FHOD3: variants seen among roughly 807,000 people sequenced by gnomAD.
The protein encoded by FHOD3 is formin homology 2 domain containing 3.
A neutral mutation model predicts 173.0 loss-of-function variants in FHOD3; 90 were observed. That is an observed-to-expected ratio of 0.52 (90% CI 0.44 to 0.62). The LOEUF is 0.62. Ranked by LOEUF, FHOD3 falls within the 20% of genes least tolerant of loss-of-function variation. The probability of loss-of-function intolerance (pLI) is 0.00; values close to 1 mark genes in which losing one functional copy is unlikely to be tolerated. For synonymous variants in FHOD3, 828 were observed against 823.0 expected (o/e 1.01, Z -0.10); for missense variants, 1,945 against 2,034.7 (o/e 0.96, Z 0.85).
intron 17 of FHOD3, among the ~76,000 whole-genome samples, chr18:36,695,922 G>A (rs1159585687): frequency 1.3e-5 from 2 of 152,182 alleles, no homozygotes; most frequent in Non-Finnish European, 2.9e-5. Context: ...CCTGACATCT[G>A]GAGGAAGAAT....
intron 2 of FHOD3, among the ~76,000 whole-genome samples, chr18:36,356,859 A>G (rs2046385195): frequency 2.0e-5 from 3 of 152,012 alleles, no homozygotes; most frequent in Admixed American, 6.6e-5. Context: ...CTGGTCTTGA[A>G]CTGCTGAACT....
At chr18:36,693,831 T>A (rs2039104030) in intron 17 of FHOD3, among the ~76,000 whole-genome samples, 1 of 151,970 alleles carries the variant, frequency 6.6e-6, no homozygotes, top group South Asian at 2.1e-4. Flanking sequence ...TGAAGGAGAA[T>A]AAAATTAATT....
At chr18:36,750,105 C>A (rs557128018) in intron 24 of FHOD3, among the ~76,000 whole-genome samples, 1 of 152,014 alleles carries the variant, frequency 6.6e-6, no homozygotes, top group Non-Finnish European at 1.5e-5. Flanking sequence ...CTGGCTAACA[C>A]GGTGAAACCC....
rs113365351 is a variant in FHOD3 at position 36,430,373 on chromosome 18, C to T, written c.337+57629C>T. On this transcript the variant is annotated intron_variant, in intron 3 of 28. Transcript: ENST00000590592. ...CTGGGATTACAGGTGCCCACCACCA[C>T]GCCCAGCTAATTTTGTATTTTTAGT... Among the ~76,000 whole-genome samples the T allele has an allele frequency of 8.9e-3, 1,359 of 152,248 alleles. 7 individuals carry two copies. Among genetic ancestry groups the T allele is most frequent in the Admixed American group, 0.011 (174 of 15,296 alleles).
intron 5 of FHOD3, among the ~76,000 whole-genome samples, chr18:36,541,486 C>T (rs896619446): frequency 3.9e-5 from 6 of 152,050 alleles, no homozygotes; most frequent in Non-Finnish European, 7.4e-5. Context: ...GAGCACAATC[C>T]TGTCACTGCT....
chr18:36,682,713 G>T (rs1233476416), intron 15 of FHOD3, among the ~76,000 whole-genome samples: 1 of 152,138 alleles, frequency 6.6e-6, no homozygotes, highest in Non-Finnish European at 1.5e-5. Flanking sequence ...CTCCCAAGTA[G>T]CTGGAATTAC....
At chr18:36,699,535 T>C (rs1332111260) in intron 17 of FHOD3, among the ~76,000 whole-genome samples, 1 of 152,222 alleles carries the variant, frequency 6.6e-6, no homozygotes, top group Non-Finnish European at 1.5e-5. Flanking sequence ...TTCCAGACAA[T>C]GACTGAGACT....
intron 1 of FHOD3, among the ~76,000 whole-genome samples, chr18:36,338,489 G>T (rs919944411): frequency 6.6e-6 from 1 of 152,176 alleles, no homozygotes; most frequent in African/African-American, 2.4e-5. Context: ...ACCGAGTGTG[G>T]CAGTGTTCTG....
intron 5 of FHOD3, among the ~76,000 whole-genome samples, chr18:36,548,095 G>C (rs1029482160): frequency 1.3e-5 from 2 of 152,152 alleles, no homozygotes; most frequent in Non-Finnish European, 2.9e-5. Flanking sequence ...GGGAGGCTGA[G>C]GCAGGAGAAT....
At chr18:36,580,643 C>A (rs753559519) in intron 6 of FHOD3, among the ~76,000 whole-genome samples, 1 of 152,216 alleles carries the variant, frequency 6.6e-6, no homozygotes, top group African/African-American at 2.4e-5. Flanking sequence ...ATTTACAAAA[C>A]CAATAGAGTG....
chr18:36,323,076 A>T (rs551638371), intron 1 of FHOD3, among the ~76,000 whole-genome samples: 1 of 152,158 alleles, frequency 6.6e-6, no homozygotes, highest in East Asian at 1.9e-4. Flanking sequence ...TAAGGTGGGG[A>T]TGATCATGCC....
intron 3 of FHOD3, among the ~76,000 whole-genome samples, chr18:36,442,192 G>A (rs752481017): frequency 6.6e-6 from 1 of 152,136 alleles, no homozygotes. Context: ...TCTGTTTCAT[G>A]TAATGTGTTT....
At chr18:36,668,131 A>G (rs964226584) in intron 14 of FHOD3, among the ~76,000 whole-genome samples, 2 of 152,182 alleles carry the variant, frequency 1.3e-5, no homozygotes, top group Admixed American at 6.5e-5. Flanking sequence ...CACCATGAGG[A>G]CATCTAAGAC....
At chr18:36,764,619 G>A (rs1488763076) in intron 27 of FHOD3, among the ~76,000 whole-genome samples, 1 of 152,130 alleles carries the variant, frequency 6.6e-6, no homozygotes, top group East Asian at 1.9e-4. Context: ...AATTTTAAAG[G>A]AAAAGAAACA....
At chr18:36,490,821 A>G (rs1277465533) in intron 3 of FHOD3, among the ~76,000 whole-genome samples, 1 of 152,228 alleles carries the variant, frequency 6.6e-6, no homozygotes, top group East Asian at 1.9e-4. Context: ...AGACAGGAGG[A>G]GTTAGGATTG....
intron 5 of FHOD3, among the ~76,000 whole-genome samples, chr18:36,540,378 G>C (rs901483291): frequency 6.6e-6 from 1 of 152,222 alleles, no homozygotes; most frequent in Non-Finnish European, 1.5e-5. Context: ...TTGTGTTTCC[G>C]TGTCAGACAT....
intron 14 of FHOD3, among the ~76,000 whole-genome samples, chr18:36,672,336 G>A (rs1600180871): frequency 2.6e-5 from 4 of 152,222 alleles, no homozygotes; most frequent in Admixed American, 2.6e-4. Context: ...TGATCTTATG[G>A]GTTGGTAATT....
intron 5 of FHOD3, among the ~76,000 whole-genome samples, chr18:36,516,371 G>A (rs115864263): frequency 4.3e-4 from 65 of 152,304 alleles, no homozygotes; most frequent in Admixed American, 1.3e-3. Context: ...ATGAGGTGGG[G>A]GGAGAGGCAG....
chr18:36,408,471 G>A (rs2049177164), intron 3 of FHOD3, among the ~76,000 whole-genome samples: 1 of 152,168 alleles, frequency 6.6e-6, no homozygotes, highest in African/African-American at 2.4e-5. Flanking sequence ...GGCAGCTGAA[G>A]GAGGTGTGAA....
Sources: gnomAD v4.1 joint callset for allele counts (sites outside exome capture counted in the v4.1 genomes callset) on GRCh38, gnomAD v4.1.1 for gene constraint, MANE v1.5 for transcripts, NCBI Gene and HGNC (gene_info 2026-07-23, HGNC 2026-07-21) for gene names.